GAK: variants seen among roughly 807,000 people sequenced by gnomAD.
GAK encodes the protein cyclin-G-associated kinase.
A neutral mutation model predicts 143.9 loss-of-function variants in GAK; 79 were observed. The observed-to-expected ratio is 0.55, with a 90% CI of 0.46 to 0.66. The LOEUF (loss-of-function observed/expected upper bound fraction) is 0.66, where lower values mean the gene tolerates loss of function less well. Among genes scored for constraint, GAK ranks in the 30% least tolerant of loss-of-function variants. The pLI is 0.00. For synonymous variants in GAK, 881 were observed against 765.5 expected (o/e 1.15, Z -2.49); for missense variants, 1,693 against 1,779.7 (o/e 0.95, Z 0.88).
Position 883,429 on chromosome 4 carries a change from C to T in GAK, c.1290G>A (p.Ala430=), listed in dbSNP as rs754623922. ...MSFPAEGVES[A]LKNNIEDVRL... ...GCACATCTTCGATGTTGTTTTTGAG[C>T]GCTGACTCCACACCTTCTGCTGGGA... Residue 430 remains alanine (A), a synonymous_variant, in exon 13 of 28, where the codon GCG becomes GCA. Coordinates refer to ENST00000314167, the MANE Select transcript of GAK (RefSeq NM_005255.4). 2.6e-5 allele frequency: 42 copies of T among 1,613,630 alleles called. No individual in the cohort carries two copies. Among genetic ancestry groups the T allele is most frequent in the Middle Eastern group, 1.6e-4 (1 of 6,084 alleles).
At chr4:916,443 C>T (rs746851937) in intron 1 of GAK, among the ~76,000 whole-genome samples, 6 of 152,078 alleles carry the variant, frequency 3.9e-5, no homozygotes, top group African/African-American at 1.2e-4. Flanking sequence ...TTTGAAGAGA[C>T]GAGGTTTCGC....
chr4:913,643 A>C lies in GAK; in HGVS notation c.171T>G (p.Ala57=), dbSNP rs983151630. 1 of 1,613,730 alleles carries C rather than the reference A, an allele frequency of 6.2e-7. No homozygotes were observed. Among genetic ancestry groups the C allele is most frequent in the Non-Finnish European group, 8.5e-7 (1 of 1,179,668 alleles). The change falls in exon 2 of 28, where the codon GCT becomes GCG. Residue 57 remains alanine (A), a synonymous_variant. Transcript: ENST00000314167. ...ACTCTCTGCCACTCCCCACATCTTG[A>C]GCTTCATACACAAATGCAAACCCTC... ...AEGGFAFVYE[A]QDVGSGREYA... is the part of the protein sequence containing the mutation.
At chr4:876,506 C>G (rs376505895) in intron 18 of GAK, 24 bp downstream of exon 18, 4 of 1,608,864 alleles carry the variant, frequency 2.5e-6, no homozygotes, top group Non-Finnish European at 3.4e-6. Context: ...CCCTCCCCAC[C>G]GAGCACAAGC....
intron 26 of GAK, 149 bp from the exon 27 acceptor site, chr4:850,217 T>C: frequency 1.4e-6 from 1 of 704,450 alleles, no homozygotes; most frequent in Non-Finnish European, 2.3e-6. Flanking sequence ...CTGCACGCCC[T>C]GCCCTCAACT....
intron 26 of GAK, chr4:850,269 C>G (rs1290939339): frequency 8.4e-6 from 4 of 477,372 alleles, no homozygotes; most frequent in African/African-American, 7.9e-5. Context: ...AGGTGGTCTT[C>G]ATGTTTCAGG....
At position 851,737 on chromosome 4, in the gene GAK, G is replaced by C. The variant is rs754778881; in HGVS notation, c.3508+13C>G. ...TCTGCAAACTCCACAGCAACAGAGA[G>C]TGGGGGACTCACCAAAGCTGGGTGC... On this transcript the variant is annotated intron_variant, in intron 25 of 27. Coordinates refer to ENST00000314167, the MANE Select transcript of GAK (RefSeq NM_005255.4). The C allele has an allele frequency of 6.2e-7, 1 of 1,610,848 alleles. No individual in the cohort carries two copies. The highest frequency in any genetic ancestry group is 1.1e-5 in the South Asian group (1 of 91,042).
chr4:855,981 T>C (rs1300658295), intron 24 of GAK, among the ~76,000 whole-genome samples: 7 of 152,154 alleles, frequency 4.6e-5, no homozygotes, highest in African/African-American at 1.7e-4. Flanking sequence ...AAAAAAGATG[T>C]TGGCTGCAGG....
At chr4:883,036 A>G (rs1478608175) in intron 13 of GAK, among the ~76,000 whole-genome samples, 1 of 152,206 alleles carries the variant, frequency 6.6e-6, no homozygotes, top group East Asian at 1.9e-4. Context: ...TTGCATACTG[A>G]CAAGTGTCGT....
In GAK at chr4:876,305, AACAG is replaced by A. The variant is rs1408520644; in HGVS notation, c.2054+221_2054+224del. ...CGCCCGGGTGTGAGGGCTAAATTCTAACAGACACACACACCAACGGGGGGGCAGA... is the reference window on the plus strand; with the variant it reads ...CGCCCGGGTGTGAGGGCTAAATTCTAACACACACACCAACGGGGGGGCAGA... On this transcript the variant is annotated intron_variant, in intron 18 of 27. Coordinates refer to ENST00000314167, the MANE Select transcript of GAK (RefSeq NM_005255.4). 4.6e-5 allele frequency among the ~76,000 whole-genome samples: 7 copies of A among 152,276 alleles called. 1 individual carries two copies. Among genetic ancestry groups the A allele is most frequent in the African/African-American group, 1.7e-4 (7 of 41,586 alleles).
At chr4:903,724 G>C (rs1720492980) in intron 5 of GAK, among the ~76,000 whole-genome samples, 1 of 137,198 alleles carries the variant, frequency 7.3e-6, no homozygotes, top group Admixed American at 7.0e-5. Context: ...GGCGGCCGAG[G>C]AAGGAGTGTG....
At position 894,961 on chromosome 4, in the gene GAK, A is replaced by G. The variant is rs1181221340; in HGVS notation, c.742-952T>C. The stretch of plus-strand genomic sequence containing the variant: ...CGCCACTGCCCTCCAGCCTAGCAAC[A>G]AAGCGAGACTCTGTCTCAAATAAAT... On this transcript the variant is annotated intron_variant, in intron 7 of 27. Transcript: ENST00000314167. The G allele has an allele frequency of 4.6e-5, 7 of 151,490 alleles. No homozygotes were observed. In the East Asian group the frequency reaches 1.4e-3, roughly 29 times the overall value. The allele number at this position is 151,490 out of a possible 1,614,324, so 9.4% of individuals were successfully genotyped here. A position where few individuals can be genotyped will look rare whatever the true frequency, so the allele number is the denominator to read the frequency against.
intron 23 of GAK, 125 bp downstream of exon 23, chr4:864,997 G>T (rs1350891395): frequency 1.5e-6 from 2 of 1,316,808 alleles, no homozygotes; most frequent in Non-Finnish European, 1.0e-6. Context: ...GCACCACCAA[G>T]CACGCCCCAG....
At chr4:912,852 C>A (rs2152938841) in intron 2 of GAK, 58 bp from the exon 3 acceptor site, 1 of 1,475,462 alleles carries the variant, frequency 6.8e-7, no homozygotes, top group Non-Finnish European at 9.5e-7. Context: ...CCTACTCCAC[C>A]CGATGCATCA....
rs1278684546 is a variant in GAK at position 882,044 on chromosome 4, G to C, written c.1528-4C>G. On this transcript the variant is annotated splice_polypyrimidine_tract_variant and splice_region_variant and intron_variant, in intron 14 of 27. Coordinates refer to ENST00000314167, the MANE Select transcript of GAK (RefSeq NM_005255.4). ...CAGCAGACGCGGCTCTCCCGTCCTA[G>C]GACAGACAGACACGTCTCGCGTGCG... 1 of 1,600,696 alleles carries C rather than the reference G, an allele frequency of 6.2e-7. No homozygotes were observed. Among genetic ancestry groups the C allele is most frequent in the Admixed American group, 1.7e-5 (1 of 58,894 alleles).
chr4:904,588 G>A (rs1720716794), intron 5 of GAK, 49 bp downstream of exon 5: 1 of 1,511,130 alleles, frequency 6.6e-7, no homozygotes, highest in Non-Finnish European at 8.8e-7. Flanking sequence ...TAACCGAGTG[G>A]GACCCGCACA....
chr4:902,570 C>T (rs1034968097), intron 5 of GAK, among the ~76,000 whole-genome samples: 1 of 119,280 alleles, frequency 8.4e-6, no homozygotes, highest in Non-Finnish European at 1.6e-5. Flanking sequence ...CGCTGCACTC[C>T]AGCCTGGGCT....
At chr4:855,406 C>T (rs1322750260) in intron 24 of GAK, among the ~76,000 whole-genome samples, 2 of 151,762 alleles carry the variant, frequency 1.3e-5, no homozygotes, top group Non-Finnish European at 1.5e-5. Context: ...TGCAAGTAAA[C>T]AGAAATAGGA....
chr4:876,990 A>C (rs1380752969), intron 17 of GAK, 100 bp downstream of exon 17: 2 of 797,174 alleles, frequency 2.5e-6, no homozygotes, highest in Non-Finnish European at 4.2e-6. Context: ...AACAGCGAGC[A>C]CCCTGGACCC....
At chr4:889,795 G>A (rs1033269794) in intron 10 of GAK, among the ~76,000 whole-genome samples, 23 of 152,200 alleles carry the variant, frequency 1.5e-4, no homozygotes, top group Non-Finnish European at 2.4e-4. Context: ...CGGCTCACCC[G>A]GAACCTTCTG....
Sources: allele counts gnomAD v4.1 joint callset (sites outside exome capture counted in the v4.1 genomes callset), GRCh38; gene constraint gnomAD v4.1.1; transcripts MANE v1.5; gene names NCBI Gene and HGNC (gene_info 2026-07-23, HGNC 2026-07-21).